The following MCCC2 variants were observed in gnomAD, a reference collection of about 807,000 sequenced individuals.
MCCC2 encodes methylcrotonoyl-CoA carboxylase beta chain, mitochondrial.
A neutral mutation model predicts 77.2 loss-of-function variants in MCCC2; 52 were observed. The observed-to-expected ratio is 0.67, with a 90% confidence interval of 0.54 to 0.85. MCCC2 has a LOEUF of 0.85. Ranked by LOEUF, MCCC2 falls within the 40% of genes least tolerant of loss-of-function variation. The probability of loss-of-function intolerance (pLI) is 0.00; values close to 1 mark genes in which losing one functional copy is unlikely to be tolerated. For synonymous variants in MCCC2, 253 were observed against 248.4 expected, an observed-to-expected ratio of 1.02 and a Z score of -0.18; for missense variants, 682 against 703.2, an observed-to-expected ratio of 0.97 and a Z score of 0.34.
At position 71,626,625 on chromosome 5, in the gene MCCC2, G is replaced by C; in HGVS notation, c.625-15G>C. The C allele has an allele frequency of 6.2e-7, 1 of 1,604,174 alleles. No homozygotes were observed. Among genetic ancestry groups the C allele is most frequent in the East Asian group, 2.2e-5 (1 of 44,834 alleles). On this transcript the variant is annotated splice_polypyrimidine_tract_variant and intron_variant, in intron 6 of 16. Coordinates refer to ENST00000340941, the MANE Select transcript of MCCC2 (RefSeq NM_022132.5). The stretch of plus-strand genomic sequence containing the variant: ...GAGCTGCATCTCATGTGTTTGTCGT[G>C]TGCTTGGATTCCAGATCGCAGTGGT...
At chr5:71,643,285 G>A (rs1351058328) in intron 11 of MCCC2, among the ~76,000 whole-genome samples, 1 of 151,978 alleles carries the variant, frequency 6.6e-6, no homozygotes, top group Non-Finnish European at 1.5e-5. Context: ...AGGAGGCTGA[G>A]GTAAGAGGGA....
intron 6 of MCCC2, among the ~76,000 whole-genome samples, chr5:71,623,417 C>T (rs771917660): frequency 1.3e-5 from 2 of 152,158 alleles, no homozygotes; most frequent in African/African-American, 2.4e-5. Flanking sequence ...CTGTTTCTTA[C>T]GAGCTGCTGG....
intron 7 of MCCC2, 29 bp downstream of exon 7, chr5:71,626,782 A>C: frequency 6.3e-7 from 1 of 1,581,830 alleles, no homozygotes; most frequent in East Asian, 2.2e-5. Flanking sequence ...TGGTCGATGG[A>C]AATTAAGTAT....
At chr5:71,613,987 ATAT>A (rs1381964682) in intron 6 of MCCC2, among the ~76,000 whole-genome samples, 2 of 150,224 alleles carry the variant, frequency 1.3e-5, no homozygotes, top group East Asian at 3.9e-4. Context: ...TATATAGTTC[ATAT>A]TATATATATA....
At chr5:71,610,774 C>T (rs1464014998) in intron 6 of MCCC2, among the ~76,000 whole-genome samples, 2 of 150,662 alleles carry the variant, frequency 1.3e-5, no homozygotes, top group Non-Finnish European at 3.0e-5. Context: ...ATCACGAGGT[C>T]AGGAGATCGA....
At chr5:71,624,033 A>G in intron 6 of MCCC2, among the ~76,000 whole-genome samples, 1 of 152,204 alleles carries the variant, frequency 6.6e-6, no homozygotes, top group East Asian at 1.9e-4. Context: ...ATTTCTCATA[A>G]CTCTGGAGGC....
rs796896084 is a variant in MCCC2 at position 71,656,060 on chromosome 5, CA to C, written c.1575-678del. On this transcript the variant is annotated intron_variant, in intron 16 of 16. Transcript: ENST00000340941. ...CGAAACCCCGTCTCTTCTACAAATA[CA>C]AAAATTAGCCAAGTGTGGTAGCGCA... is the stretch of plus-strand genomic sequence containing the variant. Among the ~76,000 whole-genome samples, 91 of 152,216 alleles carry C rather than the reference CA, an allele frequency of 6.0e-4. 2 individuals are homozygous for C. The highest frequency in any genetic ancestry group is 2.1e-3 in the African/African-American group (87 of 41,520).
Position 71,604,316 on chromosome 5 carries a change from G to C in MCCC2, c.512-40G>C, listed in dbSNP as rs369692903. On this transcript the variant is annotated intron_variant, in intron 5 of 16. Transcript: ENST00000340941. Reference sequence around the variant, plus strand: ...AGTTTCCCTCTGCGTAGCACATTTAGTTCATAGAGATGCTTATGTTTCTCA... The same window carrying C: ...AGTTTCCCTCTGCGTAGCACATTTACTTCATAGAGATGCTTATGTTTCTCA... 13 of 1,534,430 alleles carry C rather than the reference G, an allele frequency of 8.5e-6. No homozygotes were observed. In the South Asian group the frequency reaches 1.2e-4, roughly 15 times the overall value.
At chr5:71,601,649 T>C (rs980464310) in intron 4 of MCCC2, among the ~76,000 whole-genome samples, 1 of 152,216 alleles carries the variant, frequency 6.6e-6, no homozygotes, top group Non-Finnish European at 1.5e-5. Context: ...TTCTCTATTT[T>C]CAGCAGGGAT....
chr5:71,628,569 G>A (rs1746610699), intron 7 of MCCC2, among the ~76,000 whole-genome samples: 1 of 152,212 alleles, frequency 6.6e-6, no homozygotes, highest in Admixed American at 6.5e-5. Context: ...TGTGGGATAA[G>A]GAAGGGCTCC....
intron 6 of MCCC2, among the ~76,000 whole-genome samples, chr5:71,617,344 A>G (rs1049765793): frequency 6.6e-6 from 1 of 152,160 alleles, no homozygotes; most frequent in South Asian, 2.1e-4. Flanking sequence ...CCTAGCTCCC[A>G]TAGTTCTTGT....
intron 15 of MCCC2, among the ~76,000 whole-genome samples, chr5:71,650,574 C>T (rs901962256): frequency 6.6e-6 from 1 of 152,140 alleles, no homozygotes; most frequent in Non-Finnish European, 1.5e-5. Context: ...AAGCAATTCT[C>T]ATGCCTCAGC....
Position 71,625,738 on chromosome 5 carries a change from TTTGTG to T in MCCC2, c.625-898_625-894del, listed in dbSNP as rs1461708713. ...AAGCTTTAGTTGAGGAAGAATGCTT[TTTGTG>T]TTGGCCATTTAGATGGAAAAATGCT... On this transcript the variant is annotated intron_variant, in intron 6 of 16. Transcript: ENST00000340941. Among the ~76,000 whole-genome samples, 6 of 152,220 alleles carry T rather than the reference TTTGTG, an allele frequency of 3.9e-5. No homozygotes were observed. In the South Asian group the frequency reaches 6.2e-4, roughly 16 times the overall value.
intron 10 of MCCC2, among the ~76,000 whole-genome samples, chr5:71,639,338 G>A (rs1308757435): frequency 1.3e-5 from 2 of 151,868 alleles, no homozygotes; most frequent in African/African-American, 2.4e-5. Context: ...ATAACTTGCT[G>A]TAGCTTCTAT....
rs1237087290 is a variant in MCCC2 at position 71,658,172 on chromosome 5, A to G, written c.*1312A>G. 1 of 152,146 alleles carries G rather than the reference A, an allele frequency of 6.6e-6. No individual in the cohort carries two copies. Among genetic ancestry groups the G allele is most frequent in the Non-Finnish European group, 1.5e-5 (1 of 68,034 alleles). 9.4% of individuals were successfully genotyped at this position (152,146 alleles called of 1,614,324 possible). A position where few individuals can be genotyped will look rare whatever the true frequency, so the allele number is the denominator to read the frequency against. On this transcript the variant is annotated 3_prime_UTR_variant, in exon 17 of 17. Coordinates refer to ENST00000340941, the MANE Select transcript of MCCC2 (RefSeq NM_022132.5). ...ATGCCACCAAGATCTTAATCTTCAC[A>G]TCTTTAATCTTATCTCTTTGACTCC...
intron 8 of MCCC2, among the ~76,000 whole-genome samples, chr5:71,633,091 T>TTA (rs137979624): frequency 0.014 from 1,173 of 83,820 alleles, 11 homozygotes; most frequent in African/African-American, 0.019. Flanking sequence ...TTTTTCAGTT[T>TTA]TATATATATA....
intron 8 of MCCC2, among the ~76,000 whole-genome samples, chr5:71,634,581 G>A (rs575229624): frequency 9.8e-5 from 15 of 152,298 alleles, no homozygotes; most frequent in African/African-American, 3.4e-4. Context: ...TTCTGCTTAC[G>A]GTACAGGGGA....
intron 7 of MCCC2, among the ~76,000 whole-genome samples, chr5:71,631,445 G>A (rs1056278547): frequency 6.6e-5 from 10 of 152,146 alleles, no homozygotes; most frequent in African/African-American, 2.4e-4. Context: ...ATCCCAGGCA[G>A]TGGGAGGAAC....
chr5:71,656,154 G>T lies in MCCC2; in HGVS notation c.1575-589G>T, dbSNP rs190617173. Among the ~76,000 whole-genome samples the T allele has an allele frequency of 3.5e-3, 531 of 152,322 alleles. 4 individuals are homozygous for T. Among genetic ancestry groups the T allele is most frequent in the African/African-American group, 0.012 (511 of 41,554 alleles). ...TGCTTGAACCCAGAGGGCGGAGATTGCAGTGAACTGAGATCGTGCCACTGC... is the reference window on the plus strand; with the variant it reads ...TGCTTGAACCCAGAGGGCGGAGATTTCAGTGAACTGAGATCGTGCCACTGC... On this transcript the variant is annotated intron_variant, in intron 16 of 16. Coordinates refer to ENST00000340941, the MANE Select transcript of MCCC2 (RefSeq NM_022132.5).
Sources: gnomAD v4.1 joint callset for allele counts (sites outside exome capture counted in the v4.1 genomes callset) on GRCh38, gnomAD v4.1.1 for gene constraint, MANE v1.5 for transcripts, NCBI Gene and HGNC (gene_info 2026-07-23, HGNC 2026-07-21) for gene names.